The following IRF2 variants were observed in gnomAD, a reference collection of about 807,000 sequenced individuals.
The protein encoded by IRF2 is interferon regulatory factor 2.
IRF2 carries 15 observed loss-of-function variants against 40.6 expected under a neutral mutation model. The observed-to-expected ratio is 0.37, with a 90% CI of 0.25 to 0.57. The LOEUF is 0.57. Among genes scored for constraint, IRF2 ranks in the 20% least tolerant of loss-of-function variants. The pLI, the probability that IRF2 is intolerant of heterozygous loss-of-function variation, is 0.77. For missense variants in IRF2, 317 were observed against 455.7 expected (o/e 0.70, Z 2.77); for synonymous variants, 151 against 165.5 (o/e 0.91, Z 0.67).
intron 5 of IRF2, among the ~76,000 whole-genome samples, chr4:184,417,869 C>A (rs541855904): frequency 6.6e-6 from 1 of 152,208 alleles, no homozygotes; most frequent in Non-Finnish European, 1.5e-5. Context: ...TTAGCTGGCA[C>A]AAAATGACCA....
intron 1 of IRF2, among the ~76,000 whole-genome samples, chr4:184,433,485 G>C (rs192068897): frequency 6.6e-6 from 1 of 152,298 alleles, no homozygotes; most frequent in African/African-American, 2.4e-5. Flanking sequence ...TGTCTAGTAA[G>C]GATGCAGCTC....
At chr4:184,419,162 G>A (rs574695438) in intron 3 of IRF2, among the ~76,000 whole-genome samples, 4 of 152,240 alleles carry the variant, frequency 2.6e-5, no homozygotes, top group African/African-American at 9.6e-5. Context: ...TTTTGGGGGG[G>A]AGATAAATTT....
At chr4:184,406,989 C>T (rs879608622) in intron 6 of IRF2, among the ~76,000 whole-genome samples, 1 of 152,236 alleles carries the variant, frequency 6.6e-6, no homozygotes, top group Non-Finnish European at 1.5e-5. Context: ...GCTCTAGTTA[C>T]TCCACAGTAA....
At chr4:184,432,008 T>C (rs544748386) in intron 1 of IRF2, 1 of 152,310 alleles carries the variant, frequency 6.6e-6, no homozygotes, top group South Asian at 2.1e-4. Flanking sequence ...GACAGGCATC[T>C]CTCTGAAAGA....
chr4:184,467,831 T>A (rs1371150406), intron 1 of IRF2, among the ~76,000 whole-genome samples: 2 of 152,246 alleles, frequency 1.3e-5, no homozygotes, highest in African/African-American at 2.4e-5. Flanking sequence ...CAAATGAAAT[T>A]ATTTATGAAA....
chr4:184,435,038 C>T (rs1738027631), intron 1 of IRF2, among the ~76,000 whole-genome samples: 1 of 152,166 alleles, frequency 6.6e-6, no homozygotes. Flanking sequence ...GGCAGAAAGA[C>T]AGCCCCTCTC....
chr4:184,420,529 T>C (rs879564430), intron 2 of IRF2, among the ~76,000 whole-genome samples: 6 of 152,242 alleles, frequency 3.9e-5, no homozygotes, highest in Admixed American at 3.9e-4. Flanking sequence ...ACAATCCTTA[T>C]ATCAGACTAT....
At chr4:184,455,046 T>C (rs1579107379) in intron 1 of IRF2, among the ~76,000 whole-genome samples, 1 of 152,150 alleles carries the variant, frequency 6.6e-6, no homozygotes, top group African/African-American at 2.4e-5. Flanking sequence ...CTGCACATTC[T>C]TGGCCAGATT....
chr4:184,445,720 TGA>T (rs1738482800), intron 1 of IRF2, among the ~76,000 whole-genome samples: 1 of 151,124 alleles, frequency 6.6e-6, no homozygotes, highest in South Asian at 2.1e-4. Flanking sequence ...TCAAAACAAC[TGA>T]GTTTCCTTCT....
At chr4:184,439,668 T>C (rs1255456888) in intron 1 of IRF2, among the ~76,000 whole-genome samples, 1 of 152,220 alleles carries the variant, frequency 6.6e-6, no homozygotes, top group African/African-American at 2.4e-5. Context: ...GTTTTACATA[T>C]TTGCCATTCT....
chr4:184,408,367 T>C lies in IRF2; in HGVS notation c.412-92A>G. On this transcript the variant is annotated intron_variant, in intron 5 of 8. Transcript: ENST00000393593. The surrounding 1 kb of genome is among the most constrained non-coding windows in gnomAD (Gnocchi z 4.9). Reference sequence around the variant, plus strand: ...TCTACCCTCTGCCTACTTTCTTTAATGCTAGGGTCATTCATGTTCAGCTGC... The same window carrying C: ...TCTACCCTCTGCCTACTTTCTTTAACGCTAGGGTCATTCATGTTCAGCTGC... 1 of 801,980 alleles carries C rather than the reference T, an allele frequency of 1.2e-6. No homozygotes were observed. Among genetic ancestry groups the C allele is most frequent in the Non-Finnish European group, 2.2e-6 (1 of 464,604 alleles). The allele number at this position is 801,980 out of a possible 1,614,324, so 49.7% of individuals were successfully genotyped here. A position where few individuals can be genotyped will look rare whatever the true frequency, so the allele number is the denominator to read the frequency against.
chr4:184,437,831 C>CAAA (rs35659512), intron 1 of IRF2, among the ~76,000 whole-genome samples: 1 of 120,566 alleles, frequency 8.3e-6, no homozygotes, highest in Admixed American at 8.3e-5. Flanking sequence ...TTGGAACGTA[C>CAAA]AAAAAAAAAA....
chr4:184,429,121 T>C, intron 1 of IRF2, 51 bp from the exon 2 acceptor site: 2 of 1,427,380 alleles, frequency 1.4e-6, no homozygotes, highest in South Asian at 2.3e-5. Context: ...CAGTGTGGTG[T>C]CTGCACTGCA....
intron 1 of IRF2, among the ~76,000 whole-genome samples, chr4:184,445,796 C>T (rs774718148): frequency 2.0e-5 from 3 of 152,164 alleles, no homozygotes; most frequent in Non-Finnish European, 4.4e-5. Flanking sequence ...TGATGCAACG[C>T]AGCAAAGAAG....
Position 184,408,062 on chromosome 4 carries a change from C to T in IRF2, c.529+96G>A, listed in dbSNP as rs1736925806. 4.2e-6 allele frequency: 3 copies of T among 708,166 alleles called. No homozygotes were observed. The highest frequency in any genetic ancestry group is 4.6e-5 in the Admixed American group (2 of 43,942). The allele number at this position is 708,166 out of a possible 1,614,324, so 43.9% of individuals were successfully genotyped here. A position where few individuals can be genotyped will look rare whatever the true frequency, so the allele number is the denominator to read the frequency against. ...TCTGAGATGATTCCAAGACCTCCTC[C>T]CACTGACTATGTTATTTGAAGTTCT... On this transcript the variant is annotated intron_variant, in intron 6 of 8. Coordinates refer to ENST00000393593, the MANE Select transcript of IRF2 (RefSeq NM_002199.4). This position sits in a 1 kb window ranked among gnomAD's most constrained non-coding sequence, Gnocchi z 4.9.
rs772248805 is a variant in IRF2 at position 184,389,608 on chromosome 4, TA to T, written c.742-543del. On this transcript the variant is annotated intron_variant, in intron 8 of 8. Coordinates refer to ENST00000393593, the MANE Select transcript of IRF2 (RefSeq NM_002199.4). Reference sequence around the variant, plus strand: ...GTTTTTCTTCCCTTTTCTTTTTTTTTAAAAAATCAATTCCCATTTGCTACCT... The same window carrying T: ...GTTTTTCTTCCCTTTTCTTTTTTTTTAAAAATCAATTCCCATTTGCTACCT... 2.4e-4 allele frequency among the ~76,000 whole-genome samples: 36 copies of T among 152,058 alleles called. 1 individual carries two copies. The highest frequency in any genetic ancestry group is 8.8e-5 in the Non-Finnish European group (6 of 67,996).
intron 1 of IRF2, among the ~76,000 whole-genome samples, chr4:184,470,345 T>C (rs1329444351): frequency 6.6e-6 from 1 of 152,158 alleles, no homozygotes; most frequent in Non-Finnish European, 1.5e-5. Flanking sequence ...ACATATACAG[T>C]GTTGGGCACA....
At chr4:184,439,672 C>T (rs971564648) in intron 1 of IRF2, among the ~76,000 whole-genome samples, 1 of 152,168 alleles carries the variant, frequency 6.6e-6, no homozygotes. Flanking sequence ...TACATATTTG[C>T]CATTCTATGC....
intron 2 of IRF2, among the ~76,000 whole-genome samples, chr4:184,423,232 C>T (rs193059096): frequency 6.6e-6 from 1 of 152,244 alleles, no homozygotes; most frequent in African/African-American, 2.4e-5. Flanking sequence ...GTCCTGCACA[C>T]GTGGTGGTGG....
Sources: gnomAD v4.1 joint callset for allele counts (sites outside exome capture counted in the v4.1 genomes callset) on GRCh38, gnomAD v4.1.1 for gene constraint, Gnocchi (gnomAD v3.1) non-coding constraint, MANE v1.5 for transcripts, NCBI Gene and HGNC (gene_info 2026-07-23, HGNC 2026-07-21) for gene names.